MMP20: variants seen among roughly 807,000 people sequenced by gnomAD.
MMP20 encodes matrix metalloproteinase-20.
MMP20 carries 50 observed loss-of-function variants against 51.8 expected under a neutral mutation model. The ratio of observed to expected loss-of-function variants is 0.97; its 90% CI spans 0.77 to 1.22. MMP20 has a LOEUF of 1.22. MMP20 is among the 50% of genes most tolerant of loss of function. The pLI, the probability that MMP20 is intolerant of heterozygous loss-of-function variation, is 0.00. For synonymous variants in MMP20, 244 were observed against 216.2 expected, an observed-to-expected ratio of 1.13 and a Z score of -1.13; for missense variants, 663 against 601.4, an observed-to-expected ratio of 1.10 and a Z score of -1.07.
At chr11:102,609,361 G>A (rs527687736) in intron 4 of MMP20, among the ~76,000 whole-genome samples, 1 of 152,270 alleles carries the variant, frequency 6.6e-6, no homozygotes, top group African/African-American at 2.4e-5. Context: ...ATGTTTGGTA[G>A]ACTGATAAAG....
intron 6 of MMP20, among the ~76,000 whole-genome samples, chr11:102,596,322 G>A (rs1459220294): frequency 6.6e-6 from 1 of 152,174 alleles, no homozygotes; most frequent in Non-Finnish European, 1.5e-5. Flanking sequence ...TGGTGCAGAA[G>A]GAAAAACACA....
chr11:102,593,995 T>C (rs923982203), intron 7 of MMP20, among the ~76,000 whole-genome samples: 1 of 152,224 alleles, frequency 6.6e-6, no homozygotes, highest in Non-Finnish European at 1.5e-5. Flanking sequence ...ATCAAGAACA[T>C]ATAAGCTAAA....
chr11:102,603,378 T>C (rs1438815142), intron 6 of MMP20, among the ~76,000 whole-genome samples: 1 of 152,176 alleles, frequency 6.6e-6, no homozygotes, highest in South Asian at 2.1e-4. Flanking sequence ...TATAGAGTCA[T>C]GGGATTCCAG....
chr11:102,620,827 T>A (rs1423985280), intron 1 of MMP20, among the ~76,000 whole-genome samples: 1 of 152,186 alleles, frequency 6.6e-6, no homozygotes, highest in Non-Finnish European at 1.5e-5. Context: ...ATTCTCAGTG[T>A]CAGGTTCCAG....
At chr11:102,583,432 C>G (rs114763247) in intron 8 of MMP20, 1 of 152,168 alleles carries the variant, frequency 6.6e-6, no homozygotes, top group Admixed American at 6.6e-5. Context: ...TTTACTGTAC[C>G]ATTTCTAAGT....
Position 102,609,030 on chromosome 11 carries a change from G to C in MMP20, c.718C>G (p.Pro240Ala). Reference protein sequence around the residue: ...HALGLAHSTDPSALMYPTYKY... With the variant: ...HALGLAHSTDASALMYPTYKY... ...TAAGTTGGGTACATCAGTGCTGATG[G>C]GTCTGTGGAATGGGCCAGGCCCAGG... The change falls in exon 5 of 10, where the codon CCA (proline) becomes GCA (alanine). Residue 240 changes from proline to alanine, a missense_variant. By Grantham distance (27) the Pro-to-Ala change is conservative. Coordinates refer to ENST00000260228, the MANE Select transcript of MMP20 (RefSeq NM_004771.4). The C allele has an allele frequency of 6.2e-7, 1 of 1,613,896 alleles. No homozygotes were observed. Among genetic ancestry groups the C allele is most frequent in the Non-Finnish European group, 8.5e-7 (1 of 1,179,810 alleles).
At chr11:102,583,455 ATACT>A (rs894531495) in intron 8 of MMP20, 4 of 152,190 alleles carry the variant, frequency 2.6e-5, no homozygotes, top group African/African-American at 7.2e-5. Flanking sequence ...AGATACACAA[ATACT>A]TACCATTGTA....
chr11:102,618,367 A>G lies in MMP20; in HGVS notation c.127-1308T>C, dbSNP rs568383143. Reference sequence around the variant, plus strand: ...CATATTATTAGCCTATATATTAACCATATATTACCACATATAAACTATGCA... The same window carrying G: ...CATATTATTAGCCTATATATTAACCGTATATTACCACATATAAACTATGCA... On this transcript the variant is annotated intron_variant, in intron 1 of 9. Coordinates refer to ENST00000260228, the MANE Select transcript of MMP20 (RefSeq NM_004771.4). 5.3e-5 allele frequency among the ~76,000 whole-genome samples: 8 copies of G among 151,696 alleles called. No homozygotes were observed. In the South Asian group the frequency reaches 1.0e-3, roughly 20 times the overall value.
At position 102,609,068 on chromosome 11, in the gene MMP20, T is replaced by C. The variant is rs1047432456; in HGVS notation, c.680A>G (p.Glu227Gly). The C allele has an allele frequency of 6.2e-7, 1 of 1,614,038 alleles. No individual in the cohort carries two copies. Among genetic ancestry groups the C allele is most frequent in the Non-Finnish European group, 8.5e-7 (1 of 1,180,030 alleles). The change falls in exon 5 of 10, where the codon GAA (glutamate) becomes GGA (glycine). Residue 227 changes from glutamate to glycine, a missense_variant. Physicochemically the swap from Glu to Gly is moderately conservative, Grantham distance 98. Transcript: ENST00000260228. ...GGCCAGGCCCAGGGCATGGCCAAAT[T>C]CATGAGCAGCAACGGTAAACAAATT... ...GFNLFTVAAHEFGHALGLAHS... is the reference protein window; with the variant it reads ...GFNLFTVAAHGFGHALGLAHS...
intron 6 of MMP20, among the ~76,000 whole-genome samples, chr11:102,596,091 T>G (rs1410640327): frequency 6.6e-6 from 1 of 152,220 alleles, no homozygotes; most frequent in Non-Finnish European, 1.5e-5. Context: ...TCAATATGTT[T>G]ACAATCTAAT....
rs765795227 is a variant in MMP20, at chr11:102,616,956, G to A, written c.230C>T (p.Ala77Val). ...SMIRKIKELQ[A>V]FFGLQVTGKL... Reference sequence around the variant, plus strand: ...CCCGGTGACTTGGAGGCCAAAGAACGCTTGTAGCTCCTTAATCTTCCTTAT... The same window carrying A: ...CCCGGTGACTTGGAGGCCAAAGAACACTTGTAGCTCCTTAATCTTCCTTAT... The change falls in exon 2 of 10, where the codon GCG becomes GTG. Residue 77 changes from alanine (A) to valine (V), a missense_variant. Physicochemically the swap from Ala to Val is moderately conservative, Grantham distance 64. Transcript: ENST00000260228. The A allele has an allele frequency of 7.4e-6, 12 of 1,614,176 alleles. No individual in the cohort carries two copies. In the South Asian group the frequency reaches 8.8e-5, roughly 12 times the overall value.
intron 8 of MMP20, among the ~76,000 whole-genome samples, chr11:102,591,041 G>T (rs1445811269): frequency 6.6e-6 from 1 of 152,158 alleles, no homozygotes; most frequent in African/African-American, 2.4e-5. Flanking sequence ...CAATTATTTT[G>T]GGGTCTCTGA....
chr11:102,586,829 T>C (rs566029398), intron 8 of MMP20, among the ~76,000 whole-genome samples: 3 of 151,560 alleles, frequency 2.0e-5, no homozygotes, highest in Non-Finnish European at 4.4e-5. Flanking sequence ...AAAAAAAAAA[T>C]TGTTTCTTTT....
At chr11:102,588,833 T>G (rs921096053) in intron 8 of MMP20, among the ~76,000 whole-genome samples, 1 of 152,198 alleles carries the variant, frequency 6.6e-6, no homozygotes, top group Non-Finnish European at 1.5e-5. Context: ...TATTTCTCCT[T>G]CATTTTTGAA....
intron 1 of MMP20, among the ~76,000 whole-genome samples, chr11:102,618,353 C>T (rs1859701626): frequency 6.6e-6 from 1 of 151,284 alleles, no homozygotes; most frequent in African/African-American, 2.4e-5. Flanking sequence ...ATATTATTAG[C>T]CTATATATTA....
chr11:102,579,628 CG>C (rs1227400123), intron 8 of MMP20, among the ~76,000 whole-genome samples: 1 of 152,090 alleles, frequency 6.6e-6, no homozygotes, highest in African/African-American at 2.4e-5. Context: ...TTGTTTAAAT[CG>C]GGCTCTTAAA....
Position 102,606,657 on chromosome 11 carries a change from C to A in MMP20, c.831G>T (p.Leu277=), listed in dbSNP as rs759559840. ...GGGCATGGGGCAGAGTGGGCTTCCC[C>A]AGGAATACTTTCCGAGGTCCTAGGA... The part of the protein sequence containing the change: ...QALYGPRKVF[L]GKPTLPHAPH... Residue 277 remains leucine (L), a synonymous_variant, in exon 6 of 10, where the codon CTG becomes CTT. Coordinates refer to ENST00000260228, the MANE Select transcript of MMP20 (RefSeq NM_004771.4). 6.2e-7 allele frequency: 1 copy of A among 1,614,066 alleles called. No individual in the cohort carries two copies. The highest frequency in any genetic ancestry group is 1.1e-5 in the South Asian group (1 of 91,072).
At chr11:102,582,579 T>G (rs1270136821) in intron 8 of MMP20, among the ~76,000 whole-genome samples, 1 of 152,056 alleles carries the variant, frequency 6.6e-6, no homozygotes, top group Non-Finnish European at 1.5e-5. Context: ...TGATCGGGAA[T>G]GAAGAGAAGG....
intron 2 of MMP20, among the ~76,000 whole-genome samples, chr11:102,612,117 C>T (rs927210976): frequency 3.3e-5 from 5 of 152,074 alleles, no homozygotes; most frequent in African/African-American, 4.8e-5. Context: ...TGGGATAATC[C>T]GGTACTGAAA....
Sources: gnomAD v4.1 joint callset for allele counts (sites outside exome capture counted in the v4.1 genomes callset) on GRCh38, gnomAD v4.1.1 for gene constraint, MANE v1.5 for transcripts, NCBI Gene and HGNC (gene_info 2026-07-23, HGNC 2026-07-21) for gene names.